Variants in CFDP1 observed in about 807,000 individuals in gnomAD.
CFDP1 encodes chromatin remodeling protein CFDP1.
In CFDP1, 31 loss-of-function variants were observed where a neutral mutation model predicts 40.1. The ratio of observed to expected loss-of-function variants is 0.77; its 90% CI spans 0.58 to 1.04. The LOEUF (loss-of-function observed/expected upper bound fraction) is 1.04, where lower values mean the gene tolerates loss of function less well. CFDP1 is among the 50% of genes least tolerant of loss of function. The pLI is 0.00. For missense variants in CFDP1, 423 were observed against 343.4 expected (o/e 1.23, Z -1.83); for synonymous variants, 167 against 120.0 (o/e 1.39, Z -2.56).
At chr16:75,375,415 TG>T (rs1301669237) in intron 5 of CFDP1, among the ~76,000 whole-genome samples, 1 of 152,118 alleles carries the variant, frequency 6.6e-6, no homozygotes, top group Non-Finnish European at 1.5e-5. Flanking sequence ...ACTTTACACA[TG>T]AAAAGATGTC....
chr16:75,362,750 T>C (rs1049156890), intron 5 of CFDP1: 29 of 152,190 alleles, frequency 1.9e-4, no homozygotes, highest in African/African-American at 7.0e-4. Context: ...CGGTGGCCCC[T>C]CTTACTAATG....
intron 1 of CFDP1, among the ~76,000 whole-genome samples, chr16:75,418,256 A>C (rs1317907597): frequency 6.8e-6 from 1 of 146,078 alleles, no homozygotes; most frequent in Non-Finnish European, 1.5e-5. Flanking sequence ...CTGTCTCAAA[A>C]AAAAAAAAAA....
intron 5 of CFDP1, among the ~76,000 whole-genome samples, chr16:75,369,073 AG>A (rs1319868367): frequency 6.6e-6 from 1 of 152,164 alleles, no homozygotes; most frequent in Admixed American, 6.6e-5. Context: ...ATCAAATTCA[AG>A]GTTTGGTTAA....
chr16:75,335,554 A>ATTTT (rs71380718), intron 5 of CFDP1, among the ~76,000 whole-genome samples: 3 of 121,384 alleles, frequency 2.5e-5, no homozygotes, highest in African/African-American at 3.2e-5. Flanking sequence ...ACAAATCTCC[A>ATTTT]TTTTTTTTTT....
chr16:75,381,503 C>T (rs757009940), intron 5 of CFDP1, among the ~76,000 whole-genome samples: 1 of 152,042 alleles, frequency 6.6e-6, no homozygotes, highest in Non-Finnish European at 1.5e-5. Flanking sequence ...AAAGGTGACA[C>T]TGAGGTTGGG....
chr16:75,362,913 T>A (rs1257334911), intron 5 of CFDP1: 1 of 152,180 alleles, frequency 6.6e-6, no homozygotes, highest in Non-Finnish European at 1.5e-5. Context: ...GAGGTTTTGT[T>A]ATTATGGCAG....
chr16:75,302,162 A>C (rs747158947), intron 6 of CFDP1, among the ~76,000 whole-genome samples: 2 of 152,176 alleles, frequency 1.3e-5, no homozygotes, highest in Non-Finnish European at 2.9e-5. Context: ...AAAAGTTCTC[A>C]CTAGGCAGAT....
At chr16:75,349,649 TCAAAAAAA>T (rs2078594718) in intron 5 of CFDP1, among the ~76,000 whole-genome samples, 1 of 29,818 alleles carries the variant, frequency 3.4e-5, no homozygotes, top group Non-Finnish European at 5.9e-5. Context: ...AGACTCCGTC[TCAAAAAAA>T]AAAAAAAAAA....
intron 4 of CFDP1, among the ~76,000 whole-genome samples, chr16:75,403,498 C>T (rs1302065837): frequency 6.6e-6 from 1 of 152,170 alleles, no homozygotes; most frequent in African/African-American, 2.4e-5. Context: ...GGATTACAGG[C>T]ATGTGCCACT....
At chr16:75,318,608 G>A (rs1384706320) in intron 5 of CFDP1, among the ~76,000 whole-genome samples, 2 of 152,052 alleles carry the variant, frequency 1.3e-5, no homozygotes, top group Non-Finnish European at 2.9e-5. Flanking sequence ...GTTTCACCGT[G>A]TTAGCCAGGA....
rs1056128872 is a variant in CFDP1, at chr16:75,365,915, G to A, written c.650+29175C>T. On this transcript the variant is annotated intron_variant, in intron 5 of 6. Coordinates refer to ENST00000283882, the MANE Select transcript of CFDP1 (RefSeq NM_006324.3). ...CTGTTCATGAGGAAGTGGACAAAGCGAACCCTCATGCACTGCTGGTAGGAA... is the reference window on the plus strand; with the variant it reads ...CTGTTCATGAGGAAGTGGACAAAGCAAACCCTCATGCACTGCTGGTAGGAA... Among the ~76,000 whole-genome samples, 5 of 152,120 alleles carry A rather than the reference G, an allele frequency of 3.3e-5. No individual in the cohort carries two copies. In the South Asian group the frequency reaches 6.2e-4, roughly 19 times the overall value.
intron 5 of CFDP1, among the ~76,000 whole-genome samples, chr16:75,386,550 C>A (rs889940329): frequency 6.6e-6 from 1 of 152,140 alleles, no homozygotes. Flanking sequence ...CATGGTGAAA[C>A]CCTGTCTCTA....
rs1698418693 is a variant in CFDP1, at chr16:75,305,141, A to G, written c.692T>C (p.Ile231Thr). 8 of 1,614,074 alleles carry G rather than the reference A, an allele frequency of 5.0e-6. No homozygotes were observed. Among genetic ancestry groups the G allele is most frequent in the Non-Finnish European group, 5.9e-6 (7 of 1,180,002 alleles). ...SSGMSSLLGK[I>T]GAKKQKMSTL... The stretch of plus-strand genomic sequence containing the variant: ...GCTCATTTTCTGCTTCTTGGCACCA[A>G]TTTTCCCCAAAAGGCTGCTCATGCC... The change falls in exon 6 of 7, where the codon ATT (isoleucine) becomes ACT (threonine). Residue 231 changes from isoleucine (I) to threonine (T), a missense_variant. By Grantham distance (89) the Ile-to-Thr change is moderately conservative. Coordinates refer to ENST00000283882, the MANE Select transcript of CFDP1 (RefSeq NM_006324.3).
chr16:75,325,738 T>C (rs149111053), intron 5 of CFDP1, among the ~76,000 whole-genome samples: 140 of 152,376 alleles, frequency 9.2e-4, no homozygotes, highest in Middle Eastern at 6.8e-3. Context: ...CATATCAATG[T>C]CATACATTAT....
intron 5 of CFDP1, among the ~76,000 whole-genome samples, chr16:75,341,968 G>A (rs1434496255): frequency 2.0e-5 from 3 of 152,124 alleles, no homozygotes; most frequent in East Asian, 1.9e-4. Context: ...GGTCCCTGTG[G>A]TCTCTTTCTC....
chr16:75,375,205 A>T (rs1597363666), intron 5 of CFDP1, among the ~76,000 whole-genome samples: 1 of 152,180 alleles, frequency 6.6e-6, no homozygotes, highest in African/African-American at 2.4e-5. Flanking sequence ...CTAACTGTAA[A>T]AGACGAACTG....
intron 6 of CFDP1, among the ~76,000 whole-genome samples, chr16:75,295,488 T>C (rs2078175865): frequency 6.6e-6 from 1 of 152,234 alleles, no homozygotes; most frequent in Admixed American, 6.5e-5. Flanking sequence ...ACAGAGCAGG[T>C]ACTCAATAAA....
chr16:75,408,009 TG>T (rs2079118203), intron 4 of CFDP1, among the ~76,000 whole-genome samples: 1 of 151,066 alleles, frequency 6.6e-6, no homozygotes, highest in Non-Finnish European at 1.5e-5. Flanking sequence ...CAGGCTGAGG[TG>T]GGAGAATGAC....
chr16:75,305,177 T>A lies in CFDP1; in HGVS notation c.656A>T (p.Lys219Ile). 1.2e-6 allele frequency: 2 copies of A among 1,613,674 alleles called. No individual in the cohort carries two copies. The highest frequency in any genetic ancestry group is 1.7e-6 in the Non-Finnish European group (2 of 1,179,904). ...LPSLPAGSGL[K>I]RSSGMSSLLG... ...AAGGCTGCTCATGCCACTTGATCTT[T>A]TTAACCTAAGGAAAGAAAATATGAA... is the stretch of plus-strand genomic sequence containing the variant. The change falls in exon 6 of 7, where the codon AAA becomes ATA. Residue 219 changes from lysine (K) to isoleucine (I), a missense_variant. Transcript: ENST00000283882.
Sources: gnomAD v4.1 joint callset for allele counts (sites outside exome capture counted in the v4.1 genomes callset) on GRCh38, gnomAD v4.1.1 for gene constraint, MANE v1.5 for transcripts, NCBI Gene and HGNC (gene_info 2026-07-23, HGNC 2026-07-21) for gene names.